Variants in SAMMSON observed in about 807,000 individuals in gnomAD.
The protein encoded by SAMMSON is long intergenic non-protein coding RNA 1212.
At chr3:70,132,317 C>T (rs988161707) in intron 4 of SAMMSON, among the ~76,000 whole-genome samples, 19 of 152,086 alleles carry the variant, frequency 1.2e-4, no homozygotes, top group African/African-American at 4.6e-4. Flanking sequence ...GCCTTTTTGT[C>T]CTCTGCTTCA....
Position 70,427,468 on chromosome 3 carries a change from G to A in SAMMSON, n.234-35092G>A, listed in dbSNP as rs532447564. ...AAAAATGTCCAAAAGGGCCGGGCGC[G>A]GTGGCTCACGCCTGTAATCCCAGCA... On this transcript the variant is annotated intron_variant and non_coding_transcript_variant, in intron 2 of 3. Transcript: ENST00000641053. Among the ~76,000 whole-genome samples the A allele has an allele frequency of 2.4e-4, 37 of 152,200 alleles. No individual in the cohort carries two copies. The South Asian group carries it at 6.0e-3, about 25-fold the overall frequency.
chr3:70,267,722 A>C (rs2106668092), intron 6 of SAMMSON, among the ~76,000 whole-genome samples: 1 of 152,064 alleles, frequency 6.6e-6, no homozygotes, highest in African/African-American at 2.4e-5. Context: ...AGCCTAAAAT[A>C]GCATTTTTTA....
At chr3:70,295,749 G>T (rs1377079256) in intron 7 of SAMMSON, among the ~76,000 whole-genome samples, 1 of 152,108 alleles carries the variant, frequency 6.6e-6, no homozygotes, top group Non-Finnish European at 1.5e-5. Flanking sequence ...TTAAAGTGCT[G>T]TATCTTTTGA....
chr3:70,124,842 A>G (rs1318639871), intron 4 of SAMMSON, among the ~76,000 whole-genome samples: 2 of 150,086 alleles, frequency 1.3e-5, no homozygotes, highest in African/African-American at 2.4e-5. Context: ...AAAAAAAAGA[A>G]AGAAAGAAAG....
intron 4 of SAMMSON, among the ~76,000 whole-genome samples, chr3:70,103,099 C>G (rs185594175): frequency 6.6e-6 from 1 of 152,216 alleles, no homozygotes; most frequent in East Asian, 1.9e-4. Flanking sequence ...ACTGGAATGC[C>G]CCACCTAAAG....
chr3:70,049,878 G>GT (rs1344784925), intron 3 of SAMMSON, among the ~76,000 whole-genome samples: 1 of 152,182 alleles, frequency 6.6e-6, no homozygotes, highest in Admixed American at 6.5e-5. Context: ...AGCACAGTTT[G>GT]TTTTTACCCC....
chr3:70,358,973 A>T (rs1702851133), intron 9 of SAMMSON, among the ~76,000 whole-genome samples: 1 of 152,092 alleles, frequency 6.6e-6, no homozygotes, highest in Non-Finnish European at 1.5e-5. Flanking sequence ...GCTCTTATTC[A>T]GCTGAGAGAG....
Position 70,192,441 on chromosome 3 carries a change from G to A in SAMMSON, n.508-56666G>A, listed in dbSNP as rs571244349. 1.7e-4 allele frequency among the ~76,000 whole-genome samples: 26 copies of A among 152,232 alleles called. No individual in the cohort carries two copies. The South Asian group carries it at 2.3e-3, about 13-fold the overall frequency. On this transcript the variant is annotated intron_variant and non_coding_transcript_variant, in intron 4 of 9. Transcript: ENST00000642114. ...CCAGGGCCATGGGCCCTGTGTAAGC[G>A]GCAGACAGGAAGGAAAATGCCATGG...
intron 6 of SAMMSON, among the ~76,000 whole-genome samples, chr3:70,269,694 A>G (rs1490920460): frequency 6.6e-6 from 1 of 152,088 alleles, no homozygotes; most frequent in East Asian, 1.9e-4. Context: ...TATATTTAAT[A>G]TAGTGGCAAA....
At chr3:70,230,517 G>A (rs959128669) in intron 4 of SAMMSON, among the ~76,000 whole-genome samples, 3 of 149,882 alleles carry the variant, frequency 2.0e-5, no homozygotes, top group African/African-American at 7.4e-5. Flanking sequence ...TATATATACA[G>A]TTTTGCAATC....
intron 4 of SAMMSON, among the ~76,000 whole-genome samples, chr3:70,092,874 G>T (rs1361912250): frequency 6.7e-6 from 1 of 150,306 alleles, no homozygotes; most frequent in Non-Finnish European, 1.5e-5. Context: ...CTGAGGGAGG[G>T]TCTCCGGATG....
chr3:70,254,780 A>C (rs568179561), intron 6 of SAMMSON, among the ~76,000 whole-genome samples: 48 of 152,334 alleles, frequency 3.2e-4, no homozygotes, highest in Middle Eastern at 3.4e-3. Flanking sequence ...GTAACTAAAC[A>C]GTTGGTAGCT....
Position 70,098,654 on chromosome 3 carries a change from A to C in SAMMSON, n.507+27089A>C, listed in dbSNP as rs181967862. On this transcript the variant is annotated intron_variant and non_coding_transcript_variant, in intron 4 of 9. Coordinates refer to ENST00000642114, the Ensembl canonical transcript of SAMMSON. ...AGTGCTGGGATTACAGGTGTGAGCCACCACGCCCGGCCTCTTTTTCATTTC... is the reference window on the plus strand; with the variant it reads ...AGTGCTGGGATTACAGGTGTGAGCCCCCACGCCCGGCCTCTTTTTCATTTC... Among the ~76,000 whole-genome samples the C allele has an allele frequency of 6.9e-3, 1,058 of 152,270 alleles. 5 individuals carry two copies. The highest frequency in any genetic ancestry group is 0.02 in the Middle Eastern group (6 of 294).
rs141453320 is a variant in SAMMSON at position 70,351,621 on chromosome 3, T to C, written n.740-2554T>C. Among the ~76,000 whole-genome samples, 89 of 152,202 alleles carry C rather than the reference T, an allele frequency of 5.8e-4. No homozygotes were observed. In the East Asian group the frequency reaches 0.017, roughly 28 times the overall value. On this transcript the variant is annotated intron_variant and non_coding_transcript_variant, in intron 7 of 9. Coordinates refer to ENST00000642114, the Ensembl canonical transcript of SAMMSON. ...ATAGTAGTGAATTCCCTGGGATTTGTTTTTACCTCATATATCCCACACTAG... is the reference window on the plus strand; with the variant it reads ...ATAGTAGTGAATTCCCTGGGATTTGCTTTTACCTCATATATCCCACACTAG...
At chr3:70,393,328 G>A (rs576022312), downstream of SAMMSON, among the ~76,000 whole-genome samples, 3 of 152,292 alleles carry the variant, frequency 2.0e-5, no homozygotes, top group East Asian at 5.8e-4. Flanking sequence ...ATAAAATTGG[G>A]CTATTAATAT....
At chr3:70,078,179 G>A (rs1313028201) in intron 4 of SAMMSON, among the ~76,000 whole-genome samples, 2 of 152,082 alleles carry the variant, frequency 1.3e-5, no homozygotes, top group African/African-American at 4.8e-5. Context: ...CTTGACACAG[G>A]AGAATCTCAT....
chr3:70,203,782 T>C (rs527499549), intron 4 of SAMMSON, among the ~76,000 whole-genome samples: 2 of 152,252 alleles, frequency 1.3e-5, no homozygotes, highest in African/African-American at 4.8e-5. Context: ...TATACATCAA[T>C]TAGGTATAGT....
chr3:70,292,739 A>G (rs1232458178), intron 7 of SAMMSON, among the ~76,000 whole-genome samples: 1 of 152,062 alleles, frequency 6.6e-6, no homozygotes, highest in Admixed American at 6.6e-5. Flanking sequence ...ACACACACAC[A>G]CATGCACACA....
intron 7 of SAMMSON, among the ~76,000 whole-genome samples, chr3:70,302,224 C>T (rs908934117): frequency 6.6e-6 from 1 of 152,058 alleles, no homozygotes; most frequent in African/African-American, 2.4e-5. Flanking sequence ...AGAGTGATGT[C>T]TTCATTTGCT....
Sources: gnomAD v4.1 joint callset for allele counts (sites outside exome capture counted in the v4.1 genomes callset) on GRCh38, gnomAD v4.1.1 for gene constraint, MANE v1.5 for transcripts, NCBI Gene and HGNC (gene_info 2026-07-23, HGNC 2026-07-21) for gene names.